The following ADAMTS3 variants were observed in gnomAD, a reference collection of about 807,000 sequenced individuals.
The protein encoded by ADAMTS3 is ADAM metallopeptidase with thrombospondin type 1 motif 3.
A neutral mutation model predicts 129.0 loss-of-function variants in ADAMTS3; 73 were observed. The observed-to-expected ratio is 0.57, with a 90% CI of 0.47 to 0.69. ADAMTS3 has a LOEUF of 0.69. ADAMTS3 is among the 30% of genes least tolerant of loss of function. The pLI, the probability that ADAMTS3 is intolerant of heterozygous loss-of-function variation, is 0.00. For synonymous variants in ADAMTS3, 477 were observed against 510.8 expected (o/e 0.93, Z 0.89); for missense variants, 1,457 against 1,514.5 (o/e 0.96, Z 0.63).
At chr4:72,310,981 A>G (rs1273561032) in intron 14 of ADAMTS3, 67 bp downstream of exon 14, 15 of 1,391,978 alleles carry the variant, frequency 1.1e-5, no homozygotes, top group Non-Finnish European at 1.3e-5. Context: ...AAAATTAAAA[A>G]TGTGCAGATG....
At chr4:72,442,869 G>A (rs527900013) in intron 3 of ADAMTS3, among the ~76,000 whole-genome samples, 17 of 151,826 alleles carry the variant, frequency 1.1e-4, no homozygotes, top group Admixed American at 9.8e-4. Flanking sequence ...CATGTAGAAA[G>A]GGGTGACAGA....
intron 4 of ADAMTS3, among the ~76,000 whole-genome samples, chr4:72,367,957 G>A (rs911362658): frequency 2.1e-4 from 32 of 151,816 alleles, no homozygotes; most frequent in African/African-American, 6.8e-4. Context: ...GATGTTATAT[G>A]CATAATGTAA....
At chr4:72,489,740 T>C (rs1719691122) in intron 3 of ADAMTS3, among the ~76,000 whole-genome samples, 1 of 151,936 alleles carries the variant, frequency 6.6e-6, no homozygotes, top group Non-Finnish European at 1.5e-5. Flanking sequence ...TTATTGTGCC[T>C]ATTTTATAAA....
chr4:72,453,972 A>C (rs1449154687), intron 3 of ADAMTS3, among the ~76,000 whole-genome samples: 1 of 112,012 alleles, frequency 8.9e-6, no homozygotes, highest in Middle Eastern at 4.3e-3. Flanking sequence ...AACAGTGAAG[A>C]AAGGAAGTAA....
At chr4:72,434,753 G>T (rs1241926191) in intron 3 of ADAMTS3, among the ~76,000 whole-genome samples, 3 of 151,858 alleles carry the variant, frequency 2.0e-5, no homozygotes, top group Admixed American at 2.0e-4. Flanking sequence ...TATCCTGTGT[G>T]GGACTGACTT....
intron 4 of ADAMTS3, among the ~76,000 whole-genome samples, chr4:72,403,221 G>GT (rs1721969254): frequency 6.6e-6 from 1 of 152,028 alleles, no homozygotes; most frequent in Admixed American, 6.6e-5. Context: ...TGGTACTTCT[G>GT]TCACTTTTCT....
At chr4:72,425,779 T>C (rs1722557237) in intron 3 of ADAMTS3, among the ~76,000 whole-genome samples, 1 of 151,714 alleles carries the variant, frequency 6.6e-6, no homozygotes, top group African/African-American at 2.4e-5. Context: ...TTGTGAATAG[T>C]GCCACAATAA....
chr4:72,523,105 C>G (rs1720715810), intron 3 of ADAMTS3, among the ~76,000 whole-genome samples: 1 of 151,890 alleles, frequency 6.6e-6, no homozygotes, highest in Non-Finnish European at 1.5e-5. Context: ...TTTCTCATAT[C>G]ACCAAGTTAA....
At chr4:72,423,435 C>T (rs1324236415) in intron 3 of ADAMTS3, among the ~76,000 whole-genome samples, 1 of 152,114 alleles carries the variant, frequency 6.6e-6, no homozygotes, top group Non-Finnish European at 1.5e-5. Context: ...TCTCTAAAAA[C>T]ACATTCTGTG....
intron 2 of ADAMTS3, among the ~76,000 whole-genome samples, chr4:72,561,397 C>T (rs1053740906): frequency 1.3e-5 from 2 of 151,818 alleles, no homozygotes; most frequent in Non-Finnish European, 2.9e-5. Context: ...CCCAGCTACT[C>T]GGGAGGCTGA....
In ADAMTS3 at chr4:72,568,981, C is replaced by T. The variant is rs748565909; in HGVS notation, c.-219G>A. 6.2e-4 allele frequency: 371 copies of T among 600,506 alleles called. 1 individual carries two copies. Among genetic ancestry groups the T allele is most frequent in the Middle Eastern group, 1.4e-3 (3 of 2,196 alleles). The allele number at this position is 600,506 out of a possible 1,614,324, so 37.2% of individuals were successfully genotyped here. A position where few individuals can be genotyped will look rare whatever the true frequency, so the allele number is the denominator to read the frequency against. On this transcript the variant is annotated 5_prime_UTR_variant, in exon 1 of 22. Coordinates refer to ENST00000286657, the MANE Select transcript of ADAMTS3 (RefSeq NM_014243.3). ...AGTTTTTTCCACTTCACCTTCTCACCCCGTCCTCCCAACACAGAGTGTGCA... is the reference window on the plus strand; with the variant it reads ...AGTTTTTTCCACTTCACCTTCTCACTCCGTCCTCCCAACACAGAGTGTGCA...
intron 3 of ADAMTS3, among the ~76,000 whole-genome samples, chr4:72,493,431 C>A (rs965869573): frequency 6.6e-6 from 1 of 151,882 alleles, no homozygotes; most frequent in African/African-American, 2.4e-5. Flanking sequence ...CATAAAATAT[C>A]TGATAGTTTT....
chr4:72,530,961 C>A (rs1721026783), intron 3 of ADAMTS3, among the ~76,000 whole-genome samples: 1 of 148,436 alleles, frequency 6.7e-6, no homozygotes, highest in African/African-American at 2.5e-5. Flanking sequence ...TCTTAAAAGT[C>A]ATAGTAAAAT....
At chr4:72,393,251 T>C (rs1186424547) in intron 4 of ADAMTS3, among the ~76,000 whole-genome samples, 2 of 152,256 alleles carry the variant, frequency 1.3e-5, no homozygotes, top group South Asian at 2.1e-4. Context: ...AACAGAAATA[T>C]TAGTTTCCAT....
intron 4 of ADAMTS3, among the ~76,000 whole-genome samples, chr4:72,409,620 A>C (rs1273727416): frequency 6.6e-6 from 1 of 152,180 alleles, no homozygotes; most frequent in Admixed American, 6.6e-5. Flanking sequence ...TCTATCTCCT[A>C]AATAAGCTCT....
intron 4 of ADAMTS3, among the ~76,000 whole-genome samples, chr4:72,370,157 G>A (rs191106919): frequency 3.2e-4 from 48 of 152,230 alleles, no homozygotes; most frequent in Non-Finnish European, 6.3e-4. Flanking sequence ...TGGAAGTCAT[G>A]CCAAACAACT....
intron 4 of ADAMTS3, among the ~76,000 whole-genome samples, chr4:72,371,322 T>C (rs1720999421): frequency 6.6e-6 from 1 of 152,040 alleles, no homozygotes; most frequent in African/African-American, 2.4e-5. Flanking sequence ...AAGACTGTCA[T>C]GCTGCATAAG....
At chr4:72,413,525 T>A (rs757702283) in intron 4 of ADAMTS3, among the ~76,000 whole-genome samples, 10 of 152,012 alleles carry the variant, frequency 6.6e-5, no homozygotes, top group Non-Finnish European at 1.0e-4. Context: ...ACAAAACTCT[T>A]AACATGCAAA....
chr4:72,475,014 G>A (rs1295169148), intron 3 of ADAMTS3, among the ~76,000 whole-genome samples: 21 of 149,436 alleles, frequency 1.4e-4, no homozygotes, highest in Admixed American at 3.3e-4. Context: ...GCGACAGAGC[G>A]AGACTCCGTC....
Sources: allele counts gnomAD v4.1 joint callset (sites outside exome capture counted in the v4.1 genomes callset), GRCh38; gene constraint gnomAD v4.1.1; transcripts MANE v1.5; gene names NCBI Gene and HGNC (gene_info 2026-07-23, HGNC 2026-07-21).